RBFOX3: variants seen among roughly 807,000 people sequenced by gnomAD.
RBFOX3 encodes RNA binding fox-1 homolog 3, also known as RNA binding protein fox-1 homolog 3.
A neutral mutation model predicts 48.7 loss-of-function variants in RBFOX3; 17 were observed. The ratio of observed to expected loss-of-function variants is 0.35; its 90% CI spans 0.24 to 0.52. RBFOX3 has a LOEUF of 0.52. Ranked by LOEUF, RBFOX3 falls within the 20% of genes least tolerant of loss-of-function variation. The pLI, the probability that RBFOX3 is intolerant of heterozygous loss-of-function variation, is 0.94. For synonymous variants in RBFOX3, 212 were observed against 209.5 expected, an observed-to-expected ratio of 1.01 and a Z score of -0.10; for missense variants, 382 against 497.5, an observed-to-expected ratio of 0.77 and a Z score of 2.21.
At chr17:79,474,622 C>T (rs2077467583) in intron 2 of RBFOX3, among the ~76,000 whole-genome samples, 1 of 152,156 alleles carries the variant, frequency 6.6e-6, no homozygotes, top group Admixed American at 6.5e-5. Flanking sequence ...AACTTCAGTG[C>T]AGCGTGTACC....
intron 3 of RBFOX3, among the ~76,000 whole-genome samples, chr17:79,258,796 C>T (rs1046227256): frequency 1.3e-5 from 2 of 152,170 alleles, no homozygotes; most frequent in African/African-American, 4.8e-5. Context: ...CCCACCCTCG[C>T]CACACCATCC....
At chr17:79,301,884 C>T (rs150257837) in intron 3 of RBFOX3, among the ~76,000 whole-genome samples, 8 of 152,296 alleles carry the variant, frequency 5.3e-5, no homozygotes, top group Non-Finnish European at 1.0e-4. Context: ...ATCCCACTCA[C>T]GTGAGGTCCC....
At chr17:79,493,553 G>A (rs1392105335) in intron 1 of RBFOX3, among the ~76,000 whole-genome samples, 1 of 152,128 alleles carries the variant, frequency 6.6e-6, no homozygotes, top group Non-Finnish European at 1.5e-5. Flanking sequence ...GGTCTTCAAT[G>A]AGAGGCCTTC....
chr17:79,253,605 T>G (rs1389500164), intron 3 of RBFOX3, among the ~76,000 whole-genome samples: 1 of 152,138 alleles, frequency 6.6e-6, no homozygotes, highest in Admixed American at 6.5e-5. Context: ...CAGCCCTGAG[T>G]TGCTGCTTCC....
At chr17:79,639,143 T>C in the RBFOX3 span, among the ~76,000 whole-genome samples, 1 of 152,046 alleles carries the variant, frequency 6.6e-6, no homozygotes, top group Non-Finnish European at 1.5e-5. Context: ...AGGGAACACT[T>C]CCAAGCTAAT....
intron 2 of RBFOX3, among the ~76,000 whole-genome samples, chr17:79,405,338 C>A (rs1406313536): frequency 6.6e-6 from 1 of 152,172 alleles, no homozygotes; most frequent in African/African-American, 2.4e-5. Flanking sequence ...AAGTAAGCTG[C>A]AGACGTGTGT....
At chr17:79,115,012 A>T (rs1053725160) in intron 5 of RBFOX3, among the ~76,000 whole-genome samples, 2 of 152,206 alleles carry the variant, frequency 1.3e-5, no homozygotes, top group Non-Finnish European at 2.9e-5. Context: ...AAGCAGGTAG[A>T]TTACAAGTGA....
chr17:79,455,278 G>A (rs8069539), intron 2 of RBFOX3, among the ~76,000 whole-genome samples: 7 of 151,976 alleles, frequency 4.6e-5, no homozygotes, highest in South Asian at 4.2e-4. Context: ...GAGCGGAGAG[G>A]GGGAGAGGCA....
chr17:79,246,957 C>T (rs993404396), intron 3 of RBFOX3, among the ~76,000 whole-genome samples: 5 of 152,160 alleles, frequency 3.3e-5, no homozygotes, highest in African/African-American at 1.2e-4. Flanking sequence ...TGGAGAACGC[C>T]GGCTTCTTAG....
intron 2 of RBFOX3, among the ~76,000 whole-genome samples, chr17:79,398,436 A>T (rs1465150795): frequency 6.6e-6 from 1 of 151,968 alleles, no homozygotes; most frequent in African/African-American, 2.4e-5. Flanking sequence ...GCCTGACGAT[A>T]TCTGTCAGCG....
At chr17:79,611,183 T>TCTCTC (rs2093965331), upstream of RBFOX3, among the ~76,000 whole-genome samples, 1 of 41,494 alleles carries the variant, frequency 2.4e-5, no homozygotes, top group Non-Finnish European at 3.9e-5. Context: ...TCCGCCCTCC[T>TCTCTC]TCTCTCTCTC....
intron 4 of RBFOX3, among the ~76,000 whole-genome samples, chr17:79,142,475 G>A (rs530340196): frequency 1.6e-4 from 25 of 152,200 alleles, no homozygotes; most frequent in South Asian, 1.0e-3. Flanking sequence ...TCTCCTTGAC[G>A]AGCCCTCCCC....
At chr17:79,278,158 T>C (rs919671018) in intron 3 of RBFOX3, among the ~76,000 whole-genome samples, 4 of 151,872 alleles carry the variant, frequency 2.6e-5, no homozygotes, top group African/African-American at 9.7e-5. Flanking sequence ...GTGGCAGCCA[T>C]GGGGGGCCTC....
At chr17:79,167,401 C>CCCCTCCTTCTCTCCCTCTGG (rs2048237725) in intron 4 of RBFOX3, among the ~76,000 whole-genome samples, 1 of 118,222 alleles carries the variant, frequency 8.5e-6, no homozygotes, top group Non-Finnish European at 1.6e-5. Context: ...TCAGGCTCTA[C>CCCCTCCTTCTCTCCCTCTGG]GGTCCTACTG....
intron 5 of RBFOX3, among the ~76,000 whole-genome samples, chr17:79,114,638 A>G (rs1274900792): frequency 6.6e-6 from 1 of 152,134 alleles, no homozygotes; most frequent in Non-Finnish European, 1.5e-5. Context: ...GGGCGGTGCC[A>G]CTCCCGGGCA....
At chr17:79,641,143 G>A in the RBFOX3 span, among the ~76,000 whole-genome samples, 1 of 152,186 alleles carries the variant, frequency 6.6e-6, no homozygotes, top group Non-Finnish European at 1.5e-5. Flanking sequence ...AATGGGCTAA[G>A]TACTTGAATG....
intron 2 of RBFOX3, among the ~76,000 whole-genome samples, chr17:79,309,100 C>CT (rs2076479120): frequency 1.2e-5 from 1 of 80,074 alleles, no homozygotes; most frequent in Non-Finnish European, 3.0e-5. Flanking sequence ...GAGCAAGACT[C>CT]TGTCTCAAAA....
intron 4 of RBFOX3, among the ~76,000 whole-genome samples, chr17:79,138,220 C>A: frequency 6.6e-6 from 1 of 152,178 alleles, no homozygotes; most frequent in East Asian, 1.9e-4. Flanking sequence ...CTGCACACAT[C>A]CGTGTGCAAC....
At chr17:79,478,383 G>A (rs892170105) in intron 2 of RBFOX3, among the ~76,000 whole-genome samples, 8 of 151,856 alleles carry the variant, frequency 5.3e-5, no homozygotes, top group East Asian at 3.9e-4. Flanking sequence ...GCCCCATGGC[G>A]TGTGCGGCAG....
Sources: allele counts gnomAD v4.1 joint callset (sites outside exome capture counted in the v4.1 genomes callset), GRCh38; gene constraint gnomAD v4.1.1; transcripts MANE v1.5; gene names NCBI Gene and HGNC (gene_info 2026-07-23, HGNC 2026-07-21).